Variants in MEMO1 observed in about 807,000 individuals in gnomAD.
MEMO1 encodes the protein protein MEMO1.
MEMO1 carries 6 observed loss-of-function variants against 45.2 expected under a neutral mutation model. The ratio of observed to expected loss-of-function variants is 0.13; its 90% CI spans 0.07 to 0.26. MEMO1 has a LOEUF of 0.26. MEMO1 is among the 10% of genes least tolerant of loss of function. The pLI is 1.00. For synonymous variants in MEMO1, 78 were observed against 124.3 expected, an observed-to-expected ratio of 0.63 and a Z score of 2.48; for missense variants, 184 against 370.5, an observed-to-expected ratio of 0.50 and a Z score of 4.13.
intron 1 of MEMO1, among the ~76,000 whole-genome samples, 163 bp downstream of exon 1, chr2:32,010,756 CCGCCCCGCTCCTCCTCCCGGCCG>C (rs1197484703): frequency 6.6e-6 from 1 of 151,420 alleles, no homozygotes; most frequent in Non-Finnish European, 1.5e-5. Context: ...GCCGCCGGCC[CCGCCCCGCTCCTCCTCCCGGCCG>C]CGCGGCGAGG....
intron 2 of MEMO1, among the ~76,000 whole-genome samples, chr2:31,972,436 T>G (rs1307590907): frequency 6.6e-6 from 1 of 152,138 alleles, no homozygotes; most frequent in Non-Finnish European, 1.5e-5. Flanking sequence ...ATGGGCCGAA[T>G]GCAGTGGCTC....
At chr2:31,951,008 G>A (rs1666785649) in intron 2 of MEMO1, among the ~76,000 whole-genome samples, 2 of 152,170 alleles carry the variant, frequency 1.3e-5, no homozygotes, top group African/African-American at 4.8e-5. Flanking sequence ...CTTTGGGACT[G>A]TCTTCCAAGC....
intron 6 of MEMO1, among the ~76,000 whole-genome samples, chr2:31,910,655 T>C (rs1680427185): frequency 6.6e-6 from 1 of 151,994 alleles, no homozygotes; most frequent in African/African-American, 2.4e-5. Flanking sequence ...AGCCCATGAG[T>C]TCAAGACCAG....
intron 7 of MEMO1, among the ~76,000 whole-genome samples, chr2:31,889,410 A>G (rs909224941): frequency 1.3e-5 from 2 of 152,086 alleles, no homozygotes; most frequent in African/African-American, 2.4e-5. Context: ...ATCAAGCTGT[A>G]TAGTATCTCT....
chr2:31,991,216 G>A (rs1319506668), intron 2 of MEMO1, among the ~76,000 whole-genome samples: 1 of 152,178 alleles, frequency 6.6e-6, no homozygotes, highest in Admixed American at 6.5e-5. Context: ...TATAAGGGAA[G>A]GGGAACATGG....
intron 2 of MEMO1, among the ~76,000 whole-genome samples, chr2:31,976,223 A>T (rs551455523): frequency 6.6e-6 from 1 of 152,218 alleles, no homozygotes; most frequent in Non-Finnish European, 1.5e-5. Context: ...CAAAAAAGCT[A>T]AACTTAAATG....
intron 2 of MEMO1, among the ~76,000 whole-genome samples, chr2:31,969,586 G>GGTGTGTGTGTGTGT (rs367639470): frequency 1.5e-4 from 18 of 119,226 alleles, no homozygotes; most frequent in Admixed American, 2.5e-4. Context: ...TGTGTGTGTG[G>GGTGTGTGTGTGTGT]GTGTGTGTGT....
At chr2:31,929,607 G>A (rs1033442344) in intron 4 of MEMO1, among the ~76,000 whole-genome samples, 3 of 152,018 alleles carry the variant, frequency 2.0e-5, no homozygotes, top group African/African-American at 7.2e-5. Flanking sequence ...CATCAATTTT[G>A]GAATAATTTT....
At chr2:31,968,093 G>A (rs1345831124) in intron 2 of MEMO1, among the ~76,000 whole-genome samples, 1 of 152,102 alleles carries the variant, frequency 6.6e-6, no homozygotes, top group Non-Finnish European at 1.5e-5. Flanking sequence ...TCAATCTGTA[G>A]GTCAAGAGCC....
chr2:31,876,461 A>G (rs1036961902), intron 8 of MEMO1, among the ~76,000 whole-genome samples: 1 of 152,118 alleles, frequency 6.6e-6, no homozygotes, highest in Non-Finnish European at 1.5e-5. Context: ...ATATTTCCTT[A>G]CCTTTTAAAA....
intron 2 of MEMO1, among the ~76,000 whole-genome samples, chr2:31,956,271 C>T (rs1009784628): frequency 6.6e-6 from 1 of 151,462 alleles, no homozygotes. Context: ...GTAAGTCTGC[C>T]TGACTGGAAA....
chr2:31,958,733 C>A (rs545316280), intron 2 of MEMO1, among the ~76,000 whole-genome samples: 1 of 152,140 alleles, frequency 6.6e-6, no homozygotes, highest in Non-Finnish European at 1.5e-5. Context: ...CTGAGTGCAA[C>A]CTCCGCTTCC....
At chr2:31,921,400 A>G (rs1424171809) in intron 4 of MEMO1, among the ~76,000 whole-genome samples, 2 of 152,196 alleles carry the variant, frequency 1.3e-5, no homozygotes, top group Non-Finnish European at 2.9e-5. Flanking sequence ...TCCTCAGTTA[A>G]GTTCAATTCC....
intron 2 of MEMO1, among the ~76,000 whole-genome samples, chr2:31,943,849 A>G (rs1236317726): frequency 6.6e-6 from 1 of 152,168 alleles, no homozygotes; most frequent in Non-Finnish European, 1.5e-5. Context: ...CTATTCTCAT[A>G]ATGAAATATC....
At chr2:31,935,631 A>G (rs921211086) in intron 3 of MEMO1, among the ~76,000 whole-genome samples, 1 of 152,222 alleles carries the variant, frequency 6.6e-6, no homozygotes, top group Non-Finnish European at 1.5e-5. Flanking sequence ...GGAAGAAGAT[A>G]ATAATCAAAG....
intron 6 of MEMO1, among the ~76,000 whole-genome samples, chr2:31,904,411 G>C (rs1266814592): frequency 6.6e-6 from 1 of 152,144 alleles, no homozygotes; most frequent in East Asian, 1.9e-4. Flanking sequence ...TACATGACCA[G>C]TCCCCAATAA....
intron 2 of MEMO1, among the ~76,000 whole-genome samples, chr2:31,966,701 C>G (rs999496088): frequency 8.2e-6 from 1 of 121,914 alleles, no homozygotes; most frequent in Admixed American, 1.1e-4. Context: ...CCACTGCACT[C>G]CAGCCTGGGT....
intron 2 of MEMO1, among the ~76,000 whole-genome samples, chr2:32,000,116 G>T (rs965144345): frequency 6.6e-6 from 1 of 151,592 alleles, no homozygotes; most frequent in African/African-American, 2.4e-5. Flanking sequence ...CAACTCCTGG[G>T]TTCAAGCAAT....
intron 8 of MEMO1, among the ~76,000 whole-genome samples, chr2:31,876,394 C>T (rs758008886): frequency 2.0e-5 from 3 of 152,154 alleles, no homozygotes; most frequent in Non-Finnish European, 4.4e-5. Context: ...CAATCATTTA[C>T]CATCATTTAC....
Sources: gnomAD v4.1 joint callset for allele counts (sites outside exome capture counted in the v4.1 genomes callset) on GRCh38, gnomAD v4.1.1 for gene constraint, MANE v1.5 for transcripts, NCBI Gene and HGNC (gene_info 2026-07-23, HGNC 2026-07-21) for gene names.